Variants in NCOA2 observed in about 807,000 individuals in gnomAD.
NCOA2 encodes the protein class E basic helix-loop-helix protein 75.
In NCOA2, 21 loss-of-function variants were observed where a neutral mutation model predicts 145.1. The ratio of observed to expected loss-of-function variants is 0.14; its 90% CI spans 0.10 to 0.21. The LOEUF is 0.21. NCOA2 is among the 10% of genes least tolerant of loss of function. NCOA2 has a pLI of 1.00. For synonymous variants in NCOA2, 619 were observed against 637.5 expected, an observed-to-expected ratio of 0.97 and a Z score of 0.44; for missense variants, 1,472 against 1,837.6, an observed-to-expected ratio of 0.80 and a Z score of 3.64.
chr8:70,204,200 G>C (rs1318722471), intron 4 of NCOA2, among the ~76,000 whole-genome samples: 1 of 151,972 alleles, frequency 6.6e-6, no homozygotes, highest in African/African-American at 2.4e-5. Context: ...TAGAGACGGG[G>C]TTTCACCATG....
At chr8:70,345,650 T>A (rs1201832248) in intron 1 of NCOA2, among the ~76,000 whole-genome samples, 3 of 152,364 alleles carry the variant, frequency 2.0e-5, no homozygotes, top group East Asian at 1.9e-4. Flanking sequence ...ATTTTTCTGC[T>A]ACTGTTGCTC....
intron 2 of NCOA2, among the ~76,000 whole-genome samples, chr8:70,257,393 G>A (rs1325517148): frequency 2.0e-5 from 3 of 152,180 alleles, no homozygotes; most frequent in African/African-American, 7.2e-5. Context: ...TCTAGGCACT[G>A]CATATAGCAG....
At chr8:70,147,282 A>C (rs1811208114) in intron 12 of NCOA2, among the ~76,000 whole-genome samples, 1 of 152,128 alleles carries the variant, frequency 6.6e-6, no homozygotes, top group African/African-American at 2.4e-5. Flanking sequence ...ACAGGCACCC[A>C]CCACCACGCC....
At chr8:70,368,291 G>A (rs1208994359) in intron 1 of NCOA2, among the ~76,000 whole-genome samples, 1 of 152,208 alleles carries the variant, frequency 6.6e-6, no homozygotes, top group African/African-American at 2.4e-5. Context: ...GTGCAAGGCC[G>A]CATAGGGAAA....
intron 2 of NCOA2, among the ~76,000 whole-genome samples, chr8:70,220,589 C>T (rs1022488313): frequency 6.6e-6 from 1 of 152,136 alleles, no homozygotes; most frequent in East Asian, 1.9e-4. Context: ...TAACAATATT[C>T]TGGGAGGGGT....
chr8:70,222,970 G>C (rs928162894), intron 2 of NCOA2, among the ~76,000 whole-genome samples: 2 of 152,136 alleles, frequency 1.3e-5, no homozygotes, highest in African/African-American at 4.8e-5. Flanking sequence ...CCAGTTACTG[G>C]ACTGCTTATA....
At chr8:70,321,793 CTTTTT>C (rs559680322) in intron 1 of NCOA2, among the ~76,000 whole-genome samples, 24 of 73,568 alleles carry the variant, frequency 3.3e-4, no homozygotes, top group South Asian at 1.9e-3. Flanking sequence ...CAGAATATAC[CTTTTT>C]TTTTTTTTTT....
chr8:70,208,100 A>T (rs1016160343), intron 4 of NCOA2, among the ~76,000 whole-genome samples: 14 of 151,890 alleles, frequency 9.2e-5, no homozygotes, highest in Admixed American at 9.2e-4. Flanking sequence ...ATAAAAAAAT[A>T]AAATAAAATA....
chr8:70,179,569 T>G, intron 4 of NCOA2, among the ~76,000 whole-genome samples: 1 of 152,224 alleles, frequency 6.6e-6, no homozygotes, highest in Non-Finnish European at 1.5e-5. Context: ...GCTTAAATCC[T>G]TAGATATTTA....
At chr8:70,383,751 C>T (rs1056977563) in intron 1 of NCOA2, among the ~76,000 whole-genome samples, 1 of 152,170 alleles carries the variant, frequency 6.6e-6, no homozygotes, top group African/African-American at 2.4e-5. Context: ...GTGATCCGCC[C>T]ACCTCGGCCT....
At chr8:70,327,295 T>C (rs991249463) in intron 1 of NCOA2, among the ~76,000 whole-genome samples, 1 of 152,214 alleles carries the variant, frequency 6.6e-6, no homozygotes, top group Admixed American at 6.5e-5. Context: ...GGTAACAACA[T>C]ACTCAACAGA....
At chr8:70,359,178 T>C (rs563268151) in intron 1 of NCOA2, among the ~76,000 whole-genome samples, 3 of 152,312 alleles carry the variant, frequency 2.0e-5, no homozygotes, top group African/African-American at 7.2e-5. Context: ...TGGCATTTCC[T>C]CAAGAAGTTA....
At chr8:70,203,514 G>A (rs1818136990) in intron 4 of NCOA2, among the ~76,000 whole-genome samples, 1 of 151,860 alleles carries the variant, frequency 6.6e-6, no homozygotes, top group Non-Finnish European at 1.5e-5. Flanking sequence ...AGAGGCTGAG[G>A]TGGGAGGATC....
intron 1 of NCOA2, among the ~76,000 whole-genome samples, chr8:70,297,959 G>C (rs1032408483): frequency 4.6e-5 from 7 of 152,084 alleles, no homozygotes; most frequent in African/African-American, 1.7e-4. Context: ...AAGAAAAGTG[G>C]CTTGATTGCT....
intron 1 of NCOA2, among the ~76,000 whole-genome samples, chr8:70,348,891 T>C (rs1332778405): frequency 6.6e-6 from 1 of 151,662 alleles, no homozygotes; most frequent in Non-Finnish European, 1.5e-5. Flanking sequence ...AGGTTATAAA[T>C]TTGGGAGCTA....
At chr8:70,378,295 A>G (rs1811862856) in intron 1 of NCOA2, among the ~76,000 whole-genome samples, 1 of 152,168 alleles carries the variant, frequency 6.6e-6, no homozygotes, top group South Asian at 2.1e-4. Flanking sequence ...TAATTTTAAA[A>G]TAAAAAAGAA....
At chr8:70,354,265 G>C (rs1809488526) in intron 1 of NCOA2, among the ~76,000 whole-genome samples, 1 of 152,260 alleles carries the variant, frequency 6.6e-6, no homozygotes, top group Non-Finnish European at 1.5e-5. Flanking sequence ...GTAACCATGT[G>C]ATCTTTTGAA....
chr8:70,423,431 C>T, the NCOA2 span, among the ~76,000 whole-genome samples: 1 of 152,158 alleles, frequency 6.6e-6, no homozygotes. Context: ...GATCTGCCCA[C>T]CTTGGCCTCC....
chr8:70,386,461 T>C (rs1812671804), intron 1 of NCOA2, among the ~76,000 whole-genome samples: 1 of 152,142 alleles, frequency 6.6e-6, no homozygotes, highest in Admixed American at 6.6e-5. Flanking sequence ...GTGTTCATTA[T>C]TACTTATAAG....
Sources: gnomAD v4.1 joint callset for allele counts (sites outside exome capture counted in the v4.1 genomes callset) on GRCh38, gnomAD v4.1.1 for gene constraint, MANE v1.5 for transcripts, NCBI Gene and HGNC (gene_info 2026-07-23, HGNC 2026-07-21) for gene names.